OPALIN: variants seen among roughly 807,000 people sequenced by gnomAD.
OPALIN encodes the protein transmembrane protein 10.
Under a neutral mutation model 17.8 loss-of-function variants are expected in OPALIN, and 15 were observed. The observed-to-expected ratio is 0.84, with a 90% CI of 0.56 to 1.29. The LOEUF is 1.29. OPALIN is among the 50% of genes most tolerant of loss of function. The pLI is 0.00. For missense variants in OPALIN, 170 were observed against 176.0 expected (o/e 0.97, Z 0.19); for synonymous variants, 62 against 63.8 (o/e 0.97, Z 0.14).
intron 5 of OPALIN, 102 bp downstream of exon 5, chr10:96,348,187 C>T: frequency 2.0e-6 from 1 of 512,294 alleles, no homozygotes. Flanking sequence ...CATCTCTTTT[C>T]TACATGTGCT....
At chr10:96,350,550 T>C (rs1272617386) in intron 3 of OPALIN, among the ~76,000 whole-genome samples, 1 of 152,200 alleles carries the variant, frequency 6.6e-6, no homozygotes, top group African/African-American at 2.4e-5. Flanking sequence ...AAAAAATTTA[T>C]TTGCACTTAA....
chr10:96,345,358 C>G lies in OPALIN; in HGVS notation c.*583G>C, dbSNP rs1845269582. On this transcript the variant is annotated 3_prime_UTR_variant, in exon 6 of 6. Coordinates refer to ENST00000371172, the MANE Select transcript of OPALIN (RefSeq NM_033207.5). The stretch of plus-strand genomic sequence containing the variant: ...ACTTCTCCAAAGTCGTACAGCTGCT[C>G]AGTGGTAGGTGTGACTTAAGAGTCC... The G allele has an allele frequency of 6.6e-6, 1 of 152,212 alleles. No individual in the cohort carries two copies. Among genetic ancestry groups the G allele is most frequent in the Non-Finnish European group, 1.5e-5 (1 of 68,050 alleles). 9.4% of individuals were successfully genotyped at this position (152,212 alleles called of 1,614,324 possible).
chr10:96,348,131 T>C (rs1446265021), intron 5 of OPALIN, among the ~76,000 whole-genome samples, 158 bp downstream of exon 5: 1 of 152,206 alleles, frequency 6.6e-6, no homozygotes, highest in African/African-American at 2.4e-5. Flanking sequence ...GTTCAGCCAA[T>C]AAAAATGCAC....
At chr10:96,350,272 A>G (rs550610743) in intron 3 of OPALIN, among the ~76,000 whole-genome samples, 3 of 152,188 alleles carry the variant, frequency 2.0e-5, no homozygotes, top group African/African-American at 4.8e-5. Flanking sequence ...CTGGAGTGCA[A>G]TGGCACAGTC....
intron 4 of OPALIN, among the ~76,000 whole-genome samples, chr10:96,349,465 G>A (rs906764394): frequency 1.3e-5 from 2 of 152,138 alleles, no homozygotes; most frequent in African/African-American, 4.8e-5. Flanking sequence ...GCTACTTTTT[G>A]TTACCCCAAA....
In OPALIN at chr10:96,358,909, C is replaced by A; in HGVS notation, c.-13G>T. The A allele has an allele frequency of 6.2e-7, 1 of 1,614,054 alleles. No homozygotes were observed. On this transcript the variant is annotated 5_prime_UTR_variant, in exon 1 of 6. Coordinates refer to ENST00000371172, the MANE Select transcript of OPALIN (RefSeq NM_033207.5). ...TTTCACTCACCATTTCTGACAGTCTCCCAGGAACCTTCTTCGTACACTGCC... is the reference window on the plus strand; with the variant it reads ...TTTCACTCACCATTTCTGACAGTCTACCAGGAACCTTCTTCGTACACTGCC...
chr10:96,345,065 T>C lies in OPALIN; in HGVS notation c.*876A>G, dbSNP rs1215270334. On this transcript the variant is annotated 3_prime_UTR_variant, in exon 6 of 6. Transcript: ENST00000371172. ...CATCTTTAGATAACAATTTGGATCATAGGCCATGGAGAAAGTTTGTCCTAA... is the reference window on the plus strand; with the variant it reads ...CATCTTTAGATAACAATTTGGATCACAGGCCATGGAGAAAGTTTGTCCTAA... 2 of 152,232 alleles carry C rather than the reference T, an allele frequency of 1.3e-5. No homozygotes were observed. The highest frequency in any genetic ancestry group is 2.9e-5 in the Non-Finnish European group (2 of 68,044). The allele number at this position is 152,232 out of a possible 1,614,324, so 9.4% of individuals were successfully genotyped here.
In OPALIN at chr10:96,355,252, T is replaced by TAA; in HGVS notation, c.39+2_39+3insTT. On this transcript the variant is annotated splice_region_variant and intron_variant, in intron 2 of 5. Transcript: ENST00000371172. ...CCTGGTGAATGGGGGCTGCTGTACT[T>TAA]ACTGTGTTCGCCGGCAGGGTGAAGT... The TAA allele has an allele frequency of 6.2e-7, 1 of 1,613,840 alleles. No homozygotes were observed. The highest frequency in any genetic ancestry group is 8.5e-7 in the Non-Finnish European group (1 of 1,179,892).
chr10:96,358,024 C>A (rs1225749736), intron 1 of OPALIN, among the ~76,000 whole-genome samples: 2 of 151,748 alleles, frequency 1.3e-5, no homozygotes, highest in East Asian at 3.9e-4. Context: ...ATACTCACAA[C>A]CTCCCCATGA....
intron 2 of OPALIN, among the ~76,000 whole-genome samples, chr10:96,352,922 T>C (rs904057565): frequency 6.6e-6 from 1 of 152,186 alleles, no homozygotes; most frequent in South Asian, 2.1e-4. Flanking sequence ...CCTCATAAAC[T>C]CCTGCTAATT....
intron 2 of OPALIN, chr10:96,353,485 G>C (rs747224246): frequency 1.3e-6 from 2 of 1,534,966 alleles, no homozygotes; most frequent in Non-Finnish European, 1.8e-6. Flanking sequence ...GACTTTCAGT[G>C]CTAAAAACAG....
intron 1 of OPALIN, among the ~76,000 whole-genome samples, chr10:96,356,139 AC>A (rs1164867288): frequency 6.6e-6 from 1 of 151,890 alleles, no homozygotes; most frequent in Non-Finnish European, 1.5e-5. Context: ...TCTTGTTCCC[AC>A]TTTCTGGACT....
chr10:96,355,013 C>T (rs1478874704), intron 2 of OPALIN, among the ~76,000 whole-genome samples: 1 of 134,434 alleles, frequency 7.4e-6, no homozygotes, highest in East Asian at 2.3e-4. Flanking sequence ...AGGAGAATCG[C>T]TTGAACCCAG....
At position 96,358,782 on chromosome 10, in the gene OPALIN, A is replaced by G. The variant is rs1845908445; in HGVS notation, c.3+112T>C. The G allele has an allele frequency of 9.8e-6, 11 of 1,124,546 alleles. No homozygotes were observed. The East Asian group carries it at 2.6e-4, about 26-fold the overall frequency. 69.7% of individuals were successfully genotyped at this position (1,124,546 alleles called of 1,614,324 possible). ...AATTATTGGTATTTTGCATATAGGA[A>G]AATAATTTAAAATAAAGTCCCTTTA... On this transcript the variant is annotated intron_variant, in intron 1 of 5. Transcript: ENST00000371172.
intron 1 of OPALIN, 78 bp from the exon 2 acceptor site, chr10:96,355,368 C>G (rs1466289776): frequency 7.4e-7 from 1 of 1,344,618 alleles, no homozygotes; most frequent in South Asian, 1.2e-5. Context: ...ACTCACTGAC[C>G]CTGGTGGATT....
chr10:96,357,645 G>T (rs1205174905), intron 1 of OPALIN, among the ~76,000 whole-genome samples: 1 of 152,110 alleles, frequency 6.6e-6, no homozygotes, highest in African/African-American at 2.4e-5. Flanking sequence ...ACTTCACAAG[G>T]GAATACCGTA....
chr10:96,354,174 T>A (rs903054957), intron 2 of OPALIN, among the ~76,000 whole-genome samples: 1 of 152,086 alleles, frequency 6.6e-6, no homozygotes, highest in Non-Finnish European at 1.5e-5. Context: ...ACCATAGTAG[T>A]GCTACTGATC....
rs1845219003 is a variant in OPALIN at position 96,344,359 on chromosome 10, G to C, written c.*1582C>G. The stretch of plus-strand genomic sequence containing the variant: ...ATGAATGATGTGTCTCCTAGGCCAG[G>C]TGTGTGGTAGGGTAGCTGACACATG... On this transcript the variant is annotated 3_prime_UTR_variant, in exon 6 of 6. Coordinates refer to ENST00000371172, the MANE Select transcript of OPALIN (RefSeq NM_033207.5). 6.6e-6 allele frequency: 1 copy of C among 152,064 alleles called. No individual in the cohort carries two copies. Among genetic ancestry groups the C allele is most frequent in the African/African-American group, 2.4e-5 (1 of 41,366 alleles). 9.4% of individuals were successfully genotyped at this position (152,064 alleles called of 1,614,324 possible). A position where few individuals can be genotyped will look rare whatever the true frequency, so the allele number is the denominator to read the frequency against.
intron 5 of OPALIN, among the ~76,000 whole-genome samples, chr10:96,346,735 A>G (rs866308824): frequency 2.6e-4 from 40 of 152,342 alleles, no homozygotes; most frequent in African/African-American, 9.4e-4. Context: ...ATAGATCAAC[A>G]TTGTTTGACA....
Sources: allele counts gnomAD v4.1 joint callset (sites outside exome capture counted in the v4.1 genomes callset), GRCh38; gene constraint gnomAD v4.1.1; transcripts MANE v1.5; gene names NCBI Gene and HGNC (gene_info 2026-07-23, HGNC 2026-07-21).